The following ZFYVE9 variants were observed in gnomAD, a reference collection of about 807,000 sequenced individuals.
ZFYVE9 encodes zinc finger FYVE domain-containing protein 9.
ZFYVE9 carries 43 observed loss-of-function variants against 126.7 expected under a neutral mutation model. The ratio of observed to expected loss-of-function variants is 0.34; its 90% CI spans 0.27 to 0.44. The LOEUF (loss-of-function observed/expected upper bound fraction) is 0.44, where lower values mean the gene tolerates loss of function less well. Ranked by LOEUF, ZFYVE9 falls within the 20% of genes least tolerant of loss-of-function variation. The probability of loss-of-function intolerance (pLI) is 1.00; values close to 1 mark genes in which losing one functional copy is unlikely to be tolerated. For synonymous variants in ZFYVE9, 521 were observed against 597.4 expected (o/e 0.87, Z 1.87); for missense variants, 1,476 against 1,697.0 (o/e 0.87, Z 2.29).
intron 1 of ZFYVE9, among the ~76,000 whole-genome samples, chr1:52,208,969 A>G (rs1437864117): frequency 5.3e-5 from 8 of 152,174 alleles, no homozygotes; most frequent in Non-Finnish European, 1.0e-4. Flanking sequence ...TCGAAAGTAA[A>G]TCCTTTAGTT....
chr1:52,148,868 A>T (rs1239971292), intron 1 of ZFYVE9, among the ~76,000 whole-genome samples: 1 of 146,110 alleles, frequency 6.8e-6, no homozygotes, highest in Non-Finnish European at 1.5e-5. Flanking sequence ...TCTCAAACTG[A>T]CCTCAAGTGA....
intron 7 of ZFYVE9, among the ~76,000 whole-genome samples, chr1:52,270,090 T>A (rs80302081): frequency 0.016 from 2,380 of 152,290 alleles, 83 homozygotes; most frequent in East Asian, 0.12. Context: ...GCTTTTTTTT[T>A]ATGACCCATT....
chr1:52,290,359 A>T (rs1645906594), intron 10 of ZFYVE9, among the ~76,000 whole-genome samples: 1 of 152,212 alleles, frequency 6.6e-6, no homozygotes, highest in South Asian at 2.1e-4. Flanking sequence ...CTTGCCTCCT[A>T]GCACCAAGTT....
chr1:52,209,553 G>C (rs1249190854), intron 1 of ZFYVE9, among the ~76,000 whole-genome samples: 1 of 152,050 alleles, frequency 6.6e-6, no homozygotes, highest in Non-Finnish European at 1.5e-5. Flanking sequence ...CTGTGGACGT[G>C]CCTATTCTGG....
chr1:52,220,772 C>T (rs1300342085), intron 2 of ZFYVE9, among the ~76,000 whole-genome samples: 1 of 152,062 alleles, frequency 6.6e-6, no homozygotes, highest in Non-Finnish European at 1.5e-5. Flanking sequence ...CTCCTATTTT[C>T]TTTAGAGAAA....
intron 1 of ZFYVE9, among the ~76,000 whole-genome samples, chr1:52,172,566 C>G (rs1644583525): frequency 6.6e-6 from 1 of 152,128 alleles, no homozygotes; most frequent in Non-Finnish European, 1.5e-5. Context: ...ATGGGGATGG[C>G]ATTGAATCTA....
intron 8 of ZFYVE9, 67 bp downstream of exon 8, chr1:52,274,651 G>A: frequency 1.4e-6 from 2 of 1,446,018 alleles, no homozygotes; most frequent in South Asian, 3.1e-5. Flanking sequence ...AATTAAGGTA[G>A]AGAGACAGAA....
At chr1:52,272,673 C>T (rs866769333) in intron 7 of ZFYVE9, among the ~76,000 whole-genome samples, 7,131 of 121,032 alleles carry the variant, frequency 0.059, 211 homozygotes, top group South Asian at 0.086. Flanking sequence ...TAGAAATAAT[C>T]TTTTTTTTTT....
intron 1 of ZFYVE9, among the ~76,000 whole-genome samples, chr1:52,193,067 C>T (rs1388833567): frequency 6.6e-6 from 1 of 152,088 alleles, no homozygotes; most frequent in African/African-American, 2.4e-5. Context: ...TATTGAACCC[C>T]CATTTGAACT....
At chr1:52,327,221 G>C (rs531160561) in intron 13 of ZFYVE9, among the ~76,000 whole-genome samples, 1 of 152,250 alleles carries the variant, frequency 6.6e-6, no homozygotes, top group African/African-American at 2.4e-5. Context: ...GGTTGAATGT[G>C]AATGATGGCA....
At chr1:52,305,420 A>C (rs1387221580) in intron 13 of ZFYVE9, among the ~76,000 whole-genome samples, 1 of 151,982 alleles carries the variant, frequency 6.6e-6, no homozygotes, top group Non-Finnish European at 1.5e-5. Context: ...CAAGAGCAAA[A>C]CTCTGTCTCA....
chr1:52,198,537 C>T (rs187006995), intron 1 of ZFYVE9, among the ~76,000 whole-genome samples: 8 of 152,166 alleles, frequency 5.3e-5, no homozygotes, highest in East Asian at 3.9e-4. Flanking sequence ...CCTAAATGCT[C>T]GCAAAGAGTT....
At chr1:52,183,295 C>G (rs1644732221) in intron 1 of ZFYVE9, among the ~76,000 whole-genome samples, 1 of 151,964 alleles carries the variant, frequency 6.6e-6, no homozygotes, top group Non-Finnish European at 1.5e-5. Context: ...GGAAGTAAAC[C>G]AGTTAAGTAG....
intron 13 of ZFYVE9, among the ~76,000 whole-genome samples, chr1:52,324,919 T>C (rs963859504): frequency 3.9e-5 from 6 of 152,008 alleles, no homozygotes; most frequent in Non-Finnish European, 8.8e-5. Context: ...AGGATCACTT[T>C]AGCCCCAAGA....
At position 52,268,600 on chromosome 1, in the gene ZFYVE9, A is replaced by G; in HGVS notation, c.2593A>G (p.Lys865Glu). 2 of 1,614,196 alleles carry G rather than the reference A, an allele frequency of 1.2e-6. No homozygotes were observed. The highest frequency in any genetic ancestry group is 1.3e-5 in the African/African-American group (1 of 75,060). The stretch of plus-strand genomic sequence containing the variant: ...CCTGGCTGTGTCACACGACCCAGTC[A>G]AGCCAGTAACTACCAGTCCTCTACC... ...GTLAVSHDPVKPVTTSPLPAE... is the reference protein window; with the variant it reads ...GTLAVSHDPVEPVTTSPLPAE... The change falls in exon 7 of 19, where the codon AAG (lysine) becomes GAG (glutamate). Residue 865 changes from lysine to glutamate, a missense_variant. Around this residue, in one of 2 missense-constraint regions of ZFYVE9, gnomAD observed 669 missense variants for 902.4 expected, o/e 0.74. Coordinates refer to ENST00000287727, the MANE Select transcript of ZFYVE9 (RefSeq NM_004799.4).
chr1:52,341,662 G>A (rs976200309), intron 17 of ZFYVE9, among the ~76,000 whole-genome samples: 1 of 151,924 alleles, frequency 6.6e-6, no homozygotes, highest in African/African-American at 2.4e-5. Flanking sequence ...ACGACTTCTG[G>A]CTTTTCCATT....
chr1:52,255,935 T>TTTC (rs1172755183), intron 4 of ZFYVE9, among the ~76,000 whole-genome samples: 1 of 124,884 alleles, frequency 8.0e-6, no homozygotes, highest in Non-Finnish European at 1.6e-5. Context: ...TTTCTTTTCT[T>TTTC]TTCTTTTCTT....
chr1:52,195,461 C>G (rs549373863), intron 1 of ZFYVE9, among the ~76,000 whole-genome samples: 1 of 152,312 alleles, frequency 6.6e-6, no homozygotes, highest in East Asian at 1.9e-4. Context: ...ATCCCAGACA[C>G]TGTTCTGGGT....
chr1:52,273,818 CAAAAAA>C (rs61193193), intron 7 of ZFYVE9, among the ~76,000 whole-genome samples: 3 of 75,570 alleles, frequency 4.0e-5, no homozygotes, highest in Admixed American at 1.5e-4. Context: ...GACTCCTTCT[CAAAAAA>C]AAAAAAAAAA....
Sources: gnomAD v4.1 joint callset for allele counts (sites outside exome capture counted in the v4.1 genomes callset) on GRCh38, gnomAD v4.1.1 for gene constraint, gnomAD v4.1.1 regional missense constraint, MANE v1.5 for transcripts, NCBI Gene and HGNC (gene_info 2026-07-23, HGNC 2026-07-21) for gene names.